SPATS2L: variants seen among roughly 807,000 people sequenced by gnomAD.
The protein encoded by SPATS2L is spermatogenesis associated serine rich 2 like.
Under a neutral mutation model 59.6 loss-of-function variants are expected in SPATS2L, and 30 were observed. The observed-to-expected ratio is 0.50, with a 90% CI of 0.38 to 0.68. The LOEUF (loss-of-function observed/expected upper bound fraction) is 0.68, where lower values mean the gene tolerates loss of function less well. Among genes scored for constraint, SPATS2L ranks in the 30% least tolerant of loss-of-function variants. The probability of loss-of-function intolerance (pLI) is 0.00; values close to 1 mark genes in which losing one functional copy is unlikely to be tolerated. For missense variants in SPATS2L, 615 were observed against 700.0 expected (o/e 0.88, Z 1.37); for synonymous variants, 252 against 263.5 (o/e 0.96, Z 0.42).
intron 3 of SPATS2L, among the ~76,000 whole-genome samples, chr2:200,392,714 G>T (rs2082208732): frequency 2.0e-5 from 3 of 152,128 alleles, no homozygotes; most frequent in Non-Finnish European, 2.9e-5. Context: ...ACTTGTGCTG[G>T]TATCTGAAGT....
chr2:200,474,090 GAA>G (rs957016644), intron 12 of SPATS2L, among the ~76,000 whole-genome samples: 1 of 149,264 alleles, frequency 6.7e-6, no homozygotes, highest in Non-Finnish European at 1.5e-5. Context: ...TCATCTCCAA[GAA>G]AAAGTCTTTT....
At chr2:200,326,099 G>T (rs182213688) in intron 1 of SPATS2L, among the ~76,000 whole-genome samples, 63 of 152,334 alleles carry the variant, frequency 4.1e-4, no homozygotes, top group Non-Finnish European at 8.2e-4. Flanking sequence ...GTAGTCTGAG[G>T]TTTGAACCCA....
At chr2:200,429,359 A>G (rs2083768860) in intron 6 of SPATS2L, among the ~76,000 whole-genome samples, 1 of 152,234 alleles carries the variant, frequency 6.6e-6, no homozygotes, top group Non-Finnish European at 1.5e-5. Flanking sequence ...TGTACTGAAG[A>G]AAATGAGACA....
At chr2:200,369,928 A>G (rs2081377240) in intron 2 of SPATS2L, among the ~76,000 whole-genome samples, 5 of 152,236 alleles carry the variant, frequency 3.3e-5, no homozygotes, top group Admixed American at 6.5e-5. Context: ...CTCCCTTCTT[A>G]TTCTTGCCTT....
chr2:200,365,603 C>T (rs2081244759), intron 2 of SPATS2L, among the ~76,000 whole-genome samples: 1 of 152,156 alleles, frequency 6.6e-6, no homozygotes, highest in Non-Finnish European at 1.5e-5. Flanking sequence ...TGGCCTTATT[C>T]TTAGGGTATT....
intron 1 of SPATS2L, among the ~76,000 whole-genome samples, chr2:200,319,391 C>T (rs940781092): frequency 6.6e-6 from 1 of 151,960 alleles, no homozygotes; most frequent in African/African-American, 2.4e-5. Context: ...ATGGCAAAAC[C>T]CCGTATCTAC....
intron 2 of SPATS2L, among the ~76,000 whole-genome samples, chr2:200,341,691 A>AT (rs56132248): frequency 0.38 from 53,586 of 141,026 alleles, 10,693 homozygotes; most frequent in Middle Eastern, 0.58. Flanking sequence ...ATTAACTATA[A>AT]TTTTTTTTTT....
chr2:200,375,383 T>C (rs2081565464), intron 2 of SPATS2L, among the ~76,000 whole-genome samples: 2 of 152,170 alleles, frequency 1.3e-5, no homozygotes, highest in African/African-American at 4.8e-5. Context: ...GACTTTATCC[T>C]GGGTATAAGG....
intron 1 of SPATS2L, among the ~76,000 whole-genome samples, chr2:200,307,573 G>A (rs2079065810): frequency 6.6e-6 from 1 of 152,194 alleles, no homozygotes; most frequent in Non-Finnish European, 1.5e-5. Context: ...CCGCATTTGG[G>A]CGGGGGGACC....
At chr2:200,474,806 T>C (rs1318753905) in intron 12 of SPATS2L, among the ~76,000 whole-genome samples, 1 of 152,200 alleles carries the variant, frequency 6.6e-6, no homozygotes, top group African/African-American at 2.4e-5. Flanking sequence ...CAGAACACTG[T>C]AGACCCAGGC....
chr2:200,463,847 C>T (rs971406910), intron 9 of SPATS2L, among the ~76,000 whole-genome samples: 1 of 152,228 alleles, frequency 6.6e-6, no homozygotes, highest in African/African-American at 2.4e-5. Flanking sequence ...ACTTCTCCAG[C>T]TCCTGGCCCC....
intron 2 of SPATS2L, among the ~76,000 whole-genome samples, chr2:200,377,341 C>T (rs1467987960): frequency 6.6e-6 from 1 of 152,186 alleles, no homozygotes; most frequent in Non-Finnish European, 1.5e-5. Flanking sequence ...GCAGTGTTTA[C>T]TCTGCGAGAT....
chr2:200,306,320 C>T, upstream of SPATS2L: 1 of 1,002,236 alleles, frequency 1.0e-6, no homozygotes, highest in South Asian at 4.7e-5. Flanking sequence ...TCTTGCAACA[C>T]GTGCGGATTG....
At chr2:200,474,103 C>CT (rs559587714) in intron 12 of SPATS2L, among the ~76,000 whole-genome samples, 14,331 of 144,184 alleles carry the variant, frequency 0.099, 873 homozygotes, top group Admixed American at 0.15. Flanking sequence ...AAAGTCTTTT[C>CT]TTTTTTTTTT....
At chr2:200,473,774 C>T (rs1178834568) in intron 12 of SPATS2L, among the ~76,000 whole-genome samples, 2 of 152,094 alleles carry the variant, frequency 1.3e-5, no homozygotes, top group Admixed American at 1.3e-4. Flanking sequence ...CCAAGGTGGG[C>T]AGATCACTTG....
chr2:200,326,870 G>A (rs1188054391), intron 1 of SPATS2L, among the ~76,000 whole-genome samples: 3 of 150,144 alleles, frequency 2.0e-5, no homozygotes, highest in Non-Finnish European at 4.4e-5. Flanking sequence ...AAGTAGCTGG[G>A]ATTACAGGCG....
At chr2:200,383,628 T>C (rs1176457106) in intron 2 of SPATS2L, among the ~76,000 whole-genome samples, 1 of 152,158 alleles carries the variant, frequency 6.6e-6, no homozygotes, top group Non-Finnish European at 1.5e-5. Context: ...GTCGATCCAG[T>C]CTCTACCAAC....
chr2:200,358,576 C>G (rs960032000), intron 2 of SPATS2L, among the ~76,000 whole-genome samples: 1 of 147,222 alleles, frequency 6.8e-6, no homozygotes, highest in African/African-American at 2.4e-5. Context: ...TCACTACATA[C>G]ACACAAAGGT....
chr2:200,321,839 A>G (rs936781811), intron 1 of SPATS2L, among the ~76,000 whole-genome samples: 3 of 152,216 alleles, frequency 2.0e-5, no homozygotes, highest in African/African-American at 7.2e-5. Context: ...CCTTTGAGGT[A>G]AGTCTGTTAC....
Sources: allele counts gnomAD v4.1 joint callset (sites outside exome capture counted in the v4.1 genomes callset), GRCh38; gene constraint gnomAD v4.1.1; transcripts MANE v1.5; gene names NCBI Gene and HGNC (gene_info 2026-07-23, HGNC 2026-07-21).